Variants in PIP5K1B observed in about 807,000 individuals in gnomAD.
PIP5K1B encodes the protein phosphatidylinositol-4-phosphate 5-kinase type 1 beta, also known as phosphatidylinositol 4-phosphate 5-kinase type-1 beta.
Under a neutral mutation model 67.0 loss-of-function variants are expected in PIP5K1B, and 42 were observed. That is an observed-to-expected ratio of 0.63 (90% CI 0.49 to 0.81). The LOEUF (loss-of-function observed/expected upper bound fraction) is 0.81. Ranked by LOEUF, PIP5K1B falls within the 30% of genes least tolerant of loss-of-function variation. The pLI, the probability that PIP5K1B is intolerant of heterozygous loss-of-function variation, is 0.00. For synonymous variants in PIP5K1B, 214 were observed against 231.4 expected (o/e 0.92, Z 0.68); for missense variants, 459 against 646.3 (o/e 0.71, Z 3.14).
chr9:68,957,298 C>T (rs2132722126), intron 14 of PIP5K1B, among the ~76,000 whole-genome samples: 1 of 152,028 alleles, frequency 6.6e-6, no homozygotes, highest in East Asian at 1.9e-4. Context: ...GGAGGTTGCC[C>T]AGTTGTGCCC....
At chr9:68,988,988 G>C (rs976752311) in intron 14 of PIP5K1B, among the ~76,000 whole-genome samples, 20 of 149,996 alleles carry the variant, frequency 1.3e-4, no homozygotes, top group African/African-American at 4.9e-4. Flanking sequence ...CCAGCTGCTC[G>C]AGAGGCTGAG....
intron 8 of PIP5K1B, among the ~76,000 whole-genome samples, chr9:68,904,614 C>T (rs12003432): frequency 0.15 from 22,867 of 152,126 alleles, 1,897 homozygotes; most frequent in African/African-American, 0.22. Flanking sequence ...AGCAATGCAG[C>T]GGTTACAGGG....
chr9:68,924,814 C>T (rs940036694), intron 12 of PIP5K1B, among the ~76,000 whole-genome samples: 14 of 151,698 alleles, frequency 9.2e-5, no homozygotes, highest in African/African-American at 3.4e-4. Context: ...GAAAGTCAAA[C>T]ACTTGCAATG....
At chr9:68,786,553 G>A (rs1288791358) in intron 2 of PIP5K1B, among the ~76,000 whole-genome samples, 4 of 151,572 alleles carry the variant, frequency 2.6e-5, no homozygotes, top group Non-Finnish European at 4.4e-5. Flanking sequence ...TACTAGTGCT[G>A]CTACTTCTGT....
chr9:69,004,320 C>T (rs1266438507), intron 15 of PIP5K1B, among the ~76,000 whole-genome samples: 1 of 131,542 alleles, frequency 7.6e-6, no homozygotes, highest in Admixed American at 8.1e-5. Flanking sequence ...CCTTTGTGGG[C>T]GTGTGTGTGT....
At chr9:68,708,039 A>C (rs1396040996) in intron 1 of PIP5K1B, 1 of 152,068 alleles carries the variant, frequency 6.6e-6, no homozygotes, top group Non-Finnish European at 1.5e-5. Flanking sequence ...CTAGCTAATT[A>C]CTCTTTCACC....
intron 2 of PIP5K1B, among the ~76,000 whole-genome samples, chr9:68,806,232 A>G (rs1416948604): frequency 2.6e-5 from 4 of 152,200 alleles, no homozygotes; most frequent in South Asian, 2.1e-4. Flanking sequence ...TGAGAACTCC[A>G]TGATCTTCAG....
intron 2 of PIP5K1B, among the ~76,000 whole-genome samples, chr9:68,815,375 T>A (rs1833389656): frequency 6.6e-6 from 1 of 152,068 alleles, no homozygotes; most frequent in East Asian, 1.9e-4. Flanking sequence ...TTAATGTAAT[T>A]GGCCTCAAAA....
intron 12 of PIP5K1B, among the ~76,000 whole-genome samples, chr9:68,925,586 T>C (rs1162050989): frequency 1.3e-5 from 2 of 152,146 alleles, no homozygotes; most frequent in Non-Finnish European, 2.9e-5. Context: ...ATCAATTCCA[T>C]GTATTAAAGA....
In PIP5K1B at chr9:68,871,276, G is replaced by A. The variant is rs186490971; in HGVS notation, c.201-5401G>A. On this transcript the variant is annotated intron_variant, in intron 5 of 15. Coordinates refer to ENST00000265382, the MANE Select transcript of PIP5K1B (RefSeq NM_003558.4). ...TGAAAAGGAGGAATAACAGAGGAAC[G>A]TCAAGTCTAAGTTAAGCCATTCCTA... Among the ~76,000 whole-genome samples the A allele has an allele frequency of 1.1e-3, 167 of 152,250 alleles. 3 individuals are homozygous for A. The highest frequency in any genetic ancestry group is 2.4e-3 in the Admixed American group (36 of 15,292).
intron 4 of PIP5K1B, 91 bp from the exon 5 acceptor site, chr9:68,863,746 G>T (rs1441841156): frequency 9.2e-7 from 1 of 1,090,846 alleles, no homozygotes; most frequent in Non-Finnish European, 1.3e-6. Flanking sequence ...GCAAGAAAGA[G>T]AATTGAACCT....
chr9:68,736,264 A>G (rs1269177477), intron 1 of PIP5K1B, among the ~76,000 whole-genome samples: 1 of 152,260 alleles, frequency 6.6e-6, no homozygotes, highest in African/African-American at 2.4e-5. Context: ...TAGAAAGACC[A>G]GTTAAAAAGT....
chr9:68,923,749 T>C (rs1367928034), intron 12 of PIP5K1B, among the ~76,000 whole-genome samples: 3 of 152,196 alleles, frequency 2.0e-5, no homozygotes, highest in Non-Finnish European at 4.4e-5. Context: ...ATACCTTAAA[T>C]GCACAGCAGA....
intron 4 of PIP5K1B, among the ~76,000 whole-genome samples, chr9:68,847,415 G>T (rs979483782): frequency 6.7e-4 from 66 of 98,506 alleles, no homozygotes; most frequent in Non-Finnish European, 8.4e-4. Flanking sequence ...CAGTGGTTTT[G>T]TGTGTGTGTG....
chr9:68,722,394 G>A lies in PIP5K1B; in HGVS notation c.-243+16632G>A, dbSNP rs577051791. 8.9e-4 allele frequency among the ~76,000 whole-genome samples: 135 copies of A among 151,746 alleles called. 2 individuals are homozygous for A. The highest frequency in any genetic ancestry group is 5.2e-3 in the Admixed American group (79 of 15,244). ...TAATTTTTGTATTTTTAGTAGAGTC[G>A]GGGTTTCATCATGCTGGCCATGGTT... On this transcript the variant is annotated intron_variant, in intron 1 of 15. Transcript: ENST00000265382.
At chr9:68,927,522 A>G (rs1425760577) in intron 12 of PIP5K1B, among the ~76,000 whole-genome samples, 3 of 152,220 alleles carry the variant, frequency 2.0e-5, no homozygotes, top group Non-Finnish European at 4.4e-5. Context: ...TCTAATGACT[A>G]ATGGTATTAA....
chr9:68,841,669 C>T (rs542799255), intron 4 of PIP5K1B, among the ~76,000 whole-genome samples: 2 of 152,164 alleles, frequency 1.3e-5, no homozygotes, highest in African/African-American at 2.4e-5. Flanking sequence ...GAATAAAAGT[C>T]ATCATTTCTG....
intron 14 of PIP5K1B, among the ~76,000 whole-genome samples, chr9:68,943,756 A>G (rs1266518591): frequency 2.0e-5 from 3 of 152,230 alleles, no homozygotes; most frequent in Non-Finnish European, 4.4e-5. Context: ...CTGTTCAGGC[A>G]AAGTGGTCTG....
At chr9:68,946,539 C>T (rs1233590545) in intron 14 of PIP5K1B, among the ~76,000 whole-genome samples, 2 of 152,042 alleles carry the variant, frequency 1.3e-5, no homozygotes, top group African/African-American at 2.4e-5. Context: ...ACTACAGGTG[C>T]GTGCCACCAC....
Sources: gnomAD v4.1 joint callset for allele counts (sites outside exome capture counted in the v4.1 genomes callset) on GRCh38, gnomAD v4.1.1 for gene constraint, MANE v1.5 for transcripts, NCBI Gene and HGNC (gene_info 2026-07-23, HGNC 2026-07-21) for gene names.